ANKRD28: variants seen among roughly 807,000 people sequenced by gnomAD.
ANKRD28 encodes the protein serine/threonine-protein phosphatase 6 regulatory ankyrin repeat subunit A.
ANKRD28 carries 44 observed loss-of-function variants against 126.5 expected under a neutral mutation model. That is an observed-to-expected ratio of 0.35 (90% CI 0.27 to 0.45). The LOEUF (loss-of-function observed/expected upper bound fraction) is 0.45. Ranked by LOEUF, ANKRD28 falls within the 20% of genes least tolerant of loss-of-function variation. The pLI is 1.00. For missense variants in ANKRD28, 1,110 were observed against 1,316.6 expected (o/e 0.84, Z 2.43); for synonymous variants, 442 against 468.5 (o/e 0.94, Z 0.73).
chr3:15,686,728 C>T (rs1470909317), intron 18 of ANKRD28, among the ~76,000 whole-genome samples: 3 of 152,318 alleles, frequency 2.0e-5, no homozygotes, highest in African/African-American at 7.2e-5. Flanking sequence ...CCAGGTCTGA[C>T]TACTGAGATG....
At chr3:15,811,638 A>G (rs1388852282) in intron 1 of ANKRD28, among the ~76,000 whole-genome samples, 1 of 151,960 alleles carries the variant, frequency 6.6e-6, no homozygotes, top group Non-Finnish European at 1.5e-5. Flanking sequence ...TATTTTTGGT[A>G]GAGACGGGGT....
At chr3:15,710,246 T>A (rs1236309101) in intron 12 of ANKRD28, among the ~76,000 whole-genome samples, 1 of 152,184 alleles carries the variant, frequency 6.6e-6, no homozygotes, top group Admixed American at 6.5e-5. Context: ...TGTTTACATA[T>A]ATGTATCTTT....
At position 15,839,214 on chromosome 3, in the gene ANKRD28, A is replaced by C. The variant is rs2061383368; in HGVS notation, c.27+20163T>G. 6.6e-6 allele frequency among the ~76,000 whole-genome samples: 1 copy of C among 152,166 alleles called. No individual in the cohort carries two copies. The highest frequency in any genetic ancestry group is 1.5e-5 in the Non-Finnish European group (1 of 68,036). ...AAAATTCTTTAAATTTACTGAAAAC[A>C]AATTGCACTCAAGACATTTTATGAA... On this transcript the variant is annotated intron_variant, in intron 1 of 27. Transcript: ENST00000399451. The surrounding 1 kb of genome is among the most constrained non-coding windows in gnomAD (Gnocchi z 4.3).
chr3:15,749,380 G>A (rs1215234262), intron 4 of ANKRD28, among the ~76,000 whole-genome samples: 1 of 151,978 alleles, frequency 6.6e-6, no homozygotes, highest in Non-Finnish European at 1.5e-5. Context: ...CCAAAGTGCT[G>A]GGATTACAGG....
chr3:15,788,909 A>C (rs1034580209), intron 2 of ANKRD28, among the ~76,000 whole-genome samples: 5 of 151,884 alleles, frequency 3.3e-5, no homozygotes, highest in African/African-American at 1.2e-4. Flanking sequence ...TACCCCCCCA[A>C]AAAAAAAGAA....
rs149721974 is a variant in ANKRD28, at chr3:15,797,657, G to A, written c.-1136C>T. 2.0e-3 allele frequency: 1,924 copies of A among 985,142 alleles called. 27 individuals carry two copies. In the African/African-American group the frequency reaches 0.029, roughly 15 times the overall value. 61.0% of individuals were successfully genotyped at this position (985,142 alleles called of 1,614,324 possible). On this transcript the variant is annotated 5_prime_UTR_variant, in exon 1 of 28. Transcript: ENST00000683139. ...GCTTCCATTAAACAGTCTTCATTCA[G>A]AGAAAAAAATAGCAGACTGTGCATC... is the stretch of plus-strand genomic sequence containing the variant.
chr3:15,763,468 T>C (rs2058592267), intron 3 of ANKRD28, among the ~76,000 whole-genome samples: 1 of 152,234 alleles, frequency 6.6e-6, no homozygotes, highest in African/African-American at 2.4e-5. Context: ...TCTTGGAGTT[T>C]ACATTCTGGA....
At chr3:15,803,161 CAT>C (rs1460751108) in intron 1 of ANKRD28, among the ~76,000 whole-genome samples, 2 of 152,098 alleles carry the variant, frequency 1.3e-5, no homozygotes, top group African/African-American at 4.8e-5. Flanking sequence ...TTAAGGAAGT[CAT>C]GATTTGCTTT....
At chr3:15,831,969 A>G (rs2125937153) in intron 1 of ANKRD28, among the ~76,000 whole-genome samples, 1 of 152,362 alleles carries the variant, frequency 6.6e-6, no homozygotes, top group South Asian at 2.1e-4. Flanking sequence ...AGTAGTTTTT[A>G]AAAATATAGG....
At chr3:15,825,694 CCA>C (rs2061050532) in intron 1 of ANKRD28, among the ~76,000 whole-genome samples, 1 of 152,004 alleles carries the variant, frequency 6.6e-6, no homozygotes, top group African/African-American at 2.4e-5. Context: ...AGTAGACTAG[CCA>C]CAGATTGAGA....
chr3:15,722,931 A>G lies in ANKRD28; in HGVS notation c.783+1451T>C, dbSNP rs866516487. Among the ~76,000 whole-genome samples the G allele has an allele frequency of 5.3e-5, 8 of 152,124 alleles. No individual in the cohort carries two copies. The South Asian group carries it at 1.0e-3, about 20-fold the overall frequency. On this transcript the variant is annotated intron_variant, in intron 7 of 27. Transcript: ENST00000683139. ...TGTGGTAATTCTCTACGAAACTAAA[A>G]AAAAAACAAAAAACAAAAAAACACC... is the stretch of plus-strand genomic sequence containing the variant.
intron 24 of ANKRD28, 41 bp from the exon 25 acceptor site, chr3:15,677,603 T>C (rs1362325303): frequency 2.1e-6 from 3 of 1,449,520 alleles, no homozygotes; most frequent in Non-Finnish European, 9.7e-7. Flanking sequence ...TTTATGAACA[T>C]GTTTCTTAGA....
intron 21 of ANKRD28, among the ~76,000 whole-genome samples, chr3:15,680,627 C>T (rs2067439340): frequency 6.6e-6 from 1 of 152,074 alleles, no homozygotes; most frequent in Non-Finnish European, 1.5e-5. Flanking sequence ...ATGATATTAT[C>T]AACAACGCTG....
intron 2 of ANKRD28, among the ~76,000 whole-genome samples, chr3:15,786,422 T>C (rs1278774245): frequency 1.3e-5 from 2 of 151,914 alleles, no homozygotes; most frequent in African/African-American, 4.8e-5. Flanking sequence ...TATAACACTC[T>C]AGGAAAAAAC....
At position 15,679,511 on chromosome 3, in the gene ANKRD28, C is replaced by T. The variant is rs377505683; in HGVS notation, c.2442G>A (p.Thr814=). 63 of 1,613,646 alleles carry T rather than the reference C, an allele frequency of 3.9e-5. No homozygotes were observed. Among genetic ancestry groups the T allele is most frequent in the South Asian group, 6.6e-5 (6 of 91,072 alleles). ...LLLEQEVFQK[T]EGNAFSPLHC... is the part of the protein sequence containing the mutation. ...GCAATGGACTAAAAGCATTTCCTTC[C>T]GTTTTCTGGAAAACTTCCTGTTCTA... is the stretch of plus-strand genomic sequence containing the variant. Residue 814 remains threonine (T), a synonymous_variant, in exon 22 of 28, where the codon ACG becomes ACA. Transcript: ENST00000683139.
intron 3 of ANKRD28, among the ~76,000 whole-genome samples, chr3:15,761,983 C>G (rs574934474): frequency 3.3e-5 from 5 of 151,826 alleles, no homozygotes; most frequent in African/African-American, 9.7e-5. Flanking sequence ...GTCAGGAGTT[C>G]GAGACCAGCC....
At chr3:15,765,610 G>A (rs917376885) in intron 3 of ANKRD28, among the ~76,000 whole-genome samples, 2 of 152,098 alleles carry the variant, frequency 1.3e-5, no homozygotes, top group African/African-American at 2.4e-5. Flanking sequence ...GGGAGGCCAA[G>A]ACAGGCAGAT....
chr3:15,782,682 C>T (rs189313558), intron 2 of ANKRD28, among the ~76,000 whole-genome samples: 6 of 152,162 alleles, frequency 3.9e-5, no homozygotes, highest in African/African-American at 1.4e-4. Flanking sequence ...TCTGTGTATG[C>T]TACCTGAATC....
chr3:15,754,962 C>CA lies in ANKRD28; in HGVS notation c.281-3143dup, dbSNP rs1219540753. Among the ~76,000 whole-genome samples the CA allele has an allele frequency of 1.1e-4, 16 of 151,058 alleles. 2 individuals carry two copies. The highest frequency in any genetic ancestry group is 1.0e-3 in the South Asian group (5 of 4,776). On this transcript the variant is annotated intron_variant, in intron 3 of 27. Coordinates refer to ENST00000683139, the MANE Select transcript of ANKRD28 (RefSeq NM_001349278.2). ...TGAAACCCAGGCCCTACTAAAATTA[C>CA]AAAAAAAAATTAGCTAGGCACAGCG...
Sources: gnomAD v4.1 joint callset for allele counts (sites outside exome capture counted in the v4.1 genomes callset) on GRCh38, gnomAD v4.1.1 for gene constraint, Gnocchi (gnomAD v3.1) non-coding constraint, MANE v1.5 for transcripts, NCBI Gene and HGNC (gene_info 2026-07-23, HGNC 2026-07-21) for gene names.